The following ARX variants were observed in gnomAD, a reference collection of about 807,000 sequenced individuals.
The protein encoded by ARX is homeobox protein ARX.
In ARX, 1 loss-of-function variant was observed where a neutral mutation model predicts 23.1. That is an observed-to-expected ratio of 0.04 (90% confidence interval 0.02 to 0.21). The LOEUF (loss-of-function observed/expected upper bound fraction) is 0.21. ARX is among the 10% of genes least tolerant of loss of function. The pLI, the probability that ARX is intolerant of heterozygous loss-of-function variation, is 1.00. For synonymous variants in ARX, 301 were observed against 270.1 expected, an observed-to-expected ratio of 1.11 and a Z score of -1.12; for missense variants, 380 against 527.5, an observed-to-expected ratio of 0.72 and a Z score of 2.74.
At chrX:25,009,976 G>A (rs2048695024) in intron 3 of ARX, among the ~76,000 whole-genome samples, 1 of 110,973 alleles carries the variant, frequency 9.0e-6, no homozygotes, top group Admixed American at 9.5e-5. Context: ...TGGGGCTAGG[G>A]GGTCCCAAAC....
rs1822272343 is a variant in ARX at position 25,003,907 on chromosome X, A to C, written c.*763T>G. 1 of 111,026 alleles carries C rather than the reference A, an allele frequency of 9.0e-6. No individual in the cohort carries two copies. Among genetic ancestry groups the C allele is most frequent in the Non-Finnish European group, 1.9e-5 (1 of 52,994 alleles). 9.1% of individuals were successfully genotyped at this position (111,026 alleles called of 1,213,427 possible). ...CTACCGTATCTACAACACAGTAAGA[A>C]TCTACGGGAGGACAAACTTTTACCA... On this transcript the variant is annotated 3_prime_UTR_variant, in exon 5 of 5. Transcript: ENST00000379044.
Position 25,015,896 on chromosome X carries a change from C to A in ARX, c.-159G>T. 1.7e-6 allele frequency: 1 copy of A among 601,575 alleles called. No individual in the cohort carries two copies. The highest frequency in any genetic ancestry group is 2.7e-6 in the Non-Finnish European group (1 of 376,426). The allele number at this position is 601,575 out of a possible 1,213,427, so 49.6% of individuals were successfully genotyped here. ...TTCTGCCTCCCTTGGTTGCCGGCTG[C>A]CGGCTCCCGCCCTGCCCGCGGCCCG... is the stretch of plus-strand genomic sequence containing the variant. On this transcript the variant is annotated 5_prime_UTR_variant, in exon 1 of 5. Coordinates refer to ENST00000379044, the MANE Select transcript of ARX (RefSeq NM_139058.3).
intron 3 of ARX, 125 bp from the exon 4 acceptor site, chrX:25,007,564 T>A (rs1469326234): frequency 3.4e-6 from 3 of 875,913 alleles, no homozygotes; most frequent in Non-Finnish European, 4.5e-6. Context: ...CGCGCCCACC[T>A]GCCCCTCTTT....
intron 4 of ARX, 43 bp from the exon 5 acceptor site, chrX:25,004,953 T>G (rs2048671202): frequency 1.5e-5 from 16 of 1,071,673 alleles, no homozygotes; most frequent in African/African-American, 2.0e-5. Context: ...TCGGGAGCTG[T>G]GCGCGGCGCC....
intron 2 of ARX, among the ~76,000 whole-genome samples, chrX:25,011,230 A>G (rs2048701230): frequency 8.9e-6 from 1 of 112,257 alleles, no homozygotes; most frequent in African/African-American, 3.2e-5. Flanking sequence ...AAACTTCAGC[A>G]CCAGAGGTAA....
In ARX at chrX:25,013,888, A is replaced by G. The variant is rs2048714472; in HGVS notation, c.197-90T>C. On this transcript the variant is annotated intron_variant, in intron 1 of 4. Coordinates refer to ENST00000379044, the MANE Select transcript of ARX (RefSeq NM_139058.3). ...GGGGCCCGCCCGCAGTTGCTCCCCC[A>G]GTGCCTAGGCCCAGGCGTGCGGGGA... is the stretch of plus-strand genomic sequence containing the variant. 3.5e-6 allele frequency: 3 copies of G among 854,956 alleles called. No individual in the cohort carries two copies. In the Admixed American group the frequency reaches 2.1e-4, roughly 58 times the overall value. 70.5% of individuals were successfully genotyped at this position (854,956 alleles called of 1,213,427 possible).
intron 3 of ARX, among the ~76,000 whole-genome samples, chrX:25,008,304 A>C (rs1470656291): frequency 2.7e-5 from 3 of 113,130 alleles, no homozygotes; most frequent in African/African-American, 9.6e-5. Flanking sequence ...ACCTGGGCGC[A>C]TAGAAATCAG....
intron 1 of ARX, 113 bp downstream of exon 1, chrX:25,015,429 C>T (rs1280804596): frequency 1.6e-5 from 15 of 958,478 alleles, no homozygotes; most frequent in Non-Finnish European, 1.7e-5. Context: ...AGAGTTATGC[C>T]CTCTCCTTCC....
chrX:25,007,037 G>A, intron 4 of ARX, 74 bp downstream of exon 4: 1 of 1,106,644 alleles, frequency 9.0e-7, no homozygotes, highest in Admixed American at 2.6e-5. Flanking sequence ...TTTGACTCCT[G>A]CCTCCTCCCT....
intron 3 of ARX, among the ~76,000 whole-genome samples, 197 bp downstream of exon 3, chrX:25,010,063 G>A (rs1385752958): frequency 1.8e-5 from 2 of 111,293 alleles, no homozygotes; most frequent in East Asian, 2.8e-4. Context: ...GAAACCTCCC[G>A]CTTCCACCTC....
At chrX:25,011,354 T>C (rs758781939) in intron 2 of ARX, among the ~76,000 whole-genome samples, 3 of 102,356 alleles carry the variant, frequency 2.9e-5, no homozygotes, top group Admixed American at 1.1e-4. Flanking sequence ...CTCAAACCCC[T>C]GGGTTGGAAA....
At chrX:25,005,344 G>C (rs770582217) in intron 4 of ARX, among the ~76,000 whole-genome samples, 3 of 61,671 alleles carry the variant, frequency 4.9e-5, no homozygotes, top group African/African-American at 4.4e-4. Flanking sequence ...AGGGTGGGAG[G>C]GGGGAGGAAA....
rs1032818078 is a variant in ARX, at chrX:25,004,940, G to A, written c.1449-30C>T. 2.7e-6 allele frequency: 3 copies of A among 1,095,034 alleles called. No individual in the cohort carries two copies. In the East Asian group the frequency reaches 1.0e-4, roughly 38 times the overall value. 90.2% of individuals were successfully genotyped at this position (1,095,034 alleles called of 1,213,427 possible). On this transcript the variant is annotated intron_variant, in intron 4 of 4. Coordinates refer to ENST00000379044, the MANE Select transcript of ARX (RefSeq NM_139058.3). Reference sequence around the variant, plus strand: ...AGGGAGAGCAAACAGCGCGGTCATGGCCTCGGGAGCTGTGCGCGGCGCCTC... The same window carrying A: ...AGGGAGAGCAAACAGCGCGGTCATGACCTCGGGAGCTGTGCGCGGCGCCTC...
intron 4 of ARX, among the ~76,000 whole-genome samples, chrX:25,005,341 GA>G (rs2048673211): frequency 1.6e-5 from 1 of 62,174 alleles, no homozygotes; most frequent in Non-Finnish European, 2.5e-5. Context: ...TGGAGGGTGG[GA>G]GGGGGGAGGA....
At chrX:25,011,526 C>T (rs1569394943) in intron 2 of ARX, among the ~76,000 whole-genome samples, 1 of 113,243 alleles carries the variant, frequency 8.8e-6, no homozygotes, top group Non-Finnish European at 1.9e-5. Context: ...AAACGCAAAA[C>T]GCTGGTCGGC....
chrX:25,013,554 TGCCGCGGCG>T lies in ARX; in HGVS notation c.432_440del (p.Ala153_Ala155del). 5 of 761,182 alleles carry T rather than the reference TGCCGCGGCG, an allele frequency of 6.6e-6. No individual in the cohort carries two copies. The highest frequency in any genetic ancestry group is 7.7e-6 in the Non-Finnish European group (5 of 646,452). The allele number at this position is 761,182 out of a possible 1,213,427, so 62.7% of individuals were successfully genotyped here. ...AGGCCGCGGCGGCCGCGGCCGCGGC[TGCCGCGGCG>T]GCCCCTGCGCCGTCCGGCCGTTCCC... On this transcript the variant is annotated inframe_deletion, in exon 2 of 5. Transcript: ENST00000379044.
At chrX:25,005,113 T>G (rs755071394) in intron 4 of ARX, among the ~76,000 whole-genome samples, 1 of 110,916 alleles carries the variant, frequency 9.0e-6, no homozygotes, top group Non-Finnish European at 1.9e-5. Flanking sequence ...GGGAACCGAC[T>G]GGGGGGAAAA....
Position 25,015,846 on chromosome X carries a change from G to T in ARX, c.-109C>A. 1 of 841,900 alleles carries T rather than the reference G, an allele frequency of 1.2e-6. No homozygotes were observed. The highest frequency in any genetic ancestry group is 1.7e-6 in the Non-Finnish European group (1 of 582,134). The allele number at this position is 841,900 out of a possible 1,213,427, so 69.4% of individuals were successfully genotyped here. On this transcript the variant is annotated 5_prime_UTR_variant, in exon 1 of 5. Transcript: ENST00000379044. ...GTGGGGTTAGATAGCGGGTTATAAC[G>T]GATATTATTGCGATCTTTGTGCCTT...
At position 25,013,634 on chromosome X, in the gene ARX, G is replaced by T. The variant is rs1308958274; in HGVS notation, c.361C>A (p.Pro121Thr). Residue 121 changes from proline (P) to threonine (T), a missense_variant, in exon 2 of 5, where the codon CCA (proline) becomes ACA (threonine). Transcript: ENST00000379044. ...GGCGGCGGAGGGGCCTCCCCGCGTG[G>T]ACCCGCCGTGGCCGTGGCGGCCGCT... is the stretch of plus-strand genomic sequence containing the variant. ...AAAAATATAG[P>T]RGEAPPPPPP... is the part of the protein sequence containing the mutation. 11 of 754,926 alleles carry T rather than the reference G, an allele frequency of 1.5e-5. No homozygotes were observed. Among genetic ancestry groups the T allele is most frequent in the Non-Finnish European group, 1.7e-5 (11 of 642,460 alleles). The allele number at this position is 754,926 out of a possible 1,213,427, so 62.2% of individuals were successfully genotyped here.
Sources: gnomAD v4.1 joint callset for allele counts (sites outside exome capture counted in the v4.1 genomes callset) on GRCh38, gnomAD v4.1.1 for gene constraint, MANE v1.5 for transcripts, NCBI Gene and HGNC (gene_info 2026-07-23, HGNC 2026-07-21) for gene names.